Variants in LRRTM4 observed in about 807,000 individuals in gnomAD.
LRRTM4 encodes leucine-rich repeat transmembrane neuronal protein 4.
In LRRTM4, 25 loss-of-function variants were observed where a neutral mutation model predicts 47.6. The observed-to-expected ratio is 0.53, with a 90% CI of 0.38 to 0.73. The LOEUF is 0.73. Ranked by LOEUF, LRRTM4 falls within the 30% of genes least tolerant of loss-of-function variation. The probability of loss-of-function intolerance (pLI) is 0.00; values close to 1 mark genes in which losing one functional copy is unlikely to be tolerated. For missense variants in LRRTM4, 638 were observed against 713.4 expected (o/e 0.89, Z 1.20); for synonymous variants, 311 against 269.5 (o/e 1.15, Z -1.51).
At chr2:77,058,075 T>C (rs567521940) in intron 3 of LRRTM4, among the ~76,000 whole-genome samples, 1 of 152,278 alleles carries the variant, frequency 6.6e-6, no homozygotes, top group South Asian at 2.1e-4. Context: ...AATCCCACCT[T>C]ATGGGAACAT....
chr2:77,125,094 C>A (rs1671620256), intron 3 of LRRTM4, among the ~76,000 whole-genome samples: 1 of 152,086 alleles, frequency 6.6e-6, no homozygotes, highest in Non-Finnish European at 1.5e-5. Context: ...TGAAAAAGAT[C>A]CAAAATGATT....
rs190204791 is a variant in LRRTM4 at position 77,128,988 on chromosome 2, C to T, written c.1552-380072G>A. ...AAAGTGTACTAAAATTTATGTTTCT[C>T]ATATTTTTATTCATGTCATGTTTTA... On this transcript the variant is annotated intron_variant, in intron 3 of 3. Coordinates refer to ENST00000409884, the MANE Select transcript of LRRTM4 (RefSeq NM_001134745.3). 5.1e-3 allele frequency among the ~76,000 whole-genome samples: 775 copies of T among 152,234 alleles called. 7 individuals are homozygous for T. The highest frequency in any genetic ancestry group is 0.018 in the African/African-American group (737 of 41,554).
chr2:77,317,076 T>G (rs1429989718), intron 3 of LRRTM4, among the ~76,000 whole-genome samples: 1 of 152,184 alleles, frequency 6.6e-6, no homozygotes, highest in African/African-American at 2.4e-5. Context: ...ATATACTATA[T>G]AAACATTTAG....
intron 3 of LRRTM4, among the ~76,000 whole-genome samples, chr2:77,461,480 C>A (rs1265826031): frequency 6.6e-6 from 1 of 152,046 alleles, no homozygotes; most frequent in Non-Finnish European, 1.5e-5. Context: ...ACCATATGGA[C>A]TGAAATGTTA....
rs553353525 is a variant in LRRTM4, at chr2:76,955,334, G to A, written c.1552-206418C>T. Among the ~76,000 whole-genome samples the A allele has an allele frequency of 1.8e-4, 27 of 151,844 alleles. 1 individual carries two copies. Among genetic ancestry groups the A allele is most frequent in the Non-Finnish European group, 2.5e-4 (17 of 67,834 alleles). On this transcript the variant is annotated intron_variant, in intron 3 of 3. Coordinates refer to ENST00000409884, the MANE Select transcript of LRRTM4 (RefSeq NM_001134745.3). ...TTGTGACATCAATGTAAAAAAGTCC[G>A]TTGGGAGAAAAAAAGTGTAGTGTTT...
chr2:77,242,211 T>C (rs2103992546), intron 3 of LRRTM4, among the ~76,000 whole-genome samples: 1 of 152,282 alleles, frequency 6.6e-6, no homozygotes, highest in East Asian at 1.9e-4. Context: ...TTGCATTGCA[T>C]ATGTAGATTT....
Position 77,011,321 on chromosome 2 carries a change from C to G in LRRTM4, c.1552-262405G>C, listed in dbSNP as rs149420811. On this transcript the variant is annotated intron_variant, in intron 3 of 3. Coordinates refer to ENST00000409884, the MANE Select transcript of LRRTM4 (RefSeq NM_001134745.3). ...ATTTGTACTCATATCTTAATTCAGA[C>G]TAGTTGCATTTATGTACTCAATAGC... Among the ~76,000 whole-genome samples, 31 of 152,206 alleles carry G rather than the reference C, an allele frequency of 2.0e-4. No individual in the cohort carries two copies. The East Asian group carries it at 6.0e-3, about 29-fold the overall frequency.
chr2:76,797,317 T>C (rs1675390821), intron 3 of LRRTM4, among the ~76,000 whole-genome samples: 1 of 151,960 alleles, frequency 6.6e-6, no homozygotes, highest in African/African-American at 2.4e-5. Flanking sequence ...TATTCAACAT[T>C]CTTAAAGAAA....
chr2:77,229,896 A>G (rs1674918804), intron 3 of LRRTM4, among the ~76,000 whole-genome samples: 1 of 152,140 alleles, frequency 6.6e-6, no homozygotes, highest in Non-Finnish European at 1.5e-5. Flanking sequence ...TATAAAATAT[A>G]TCCCCCACTT....
intron 3 of LRRTM4, among the ~76,000 whole-genome samples, chr2:76,788,865 A>G (rs756981998): frequency 3.3e-5 from 5 of 152,138 alleles, no homozygotes; most frequent in Admixed American, 6.5e-5. Flanking sequence ...TTTTGTGTCT[A>G]TGGGGTTTAT....
intron 3 of LRRTM4, among the ~76,000 whole-genome samples, chr2:77,492,073 T>C (rs35195056): frequency 0.22 from 33,514 of 152,012 alleles, 3,961 homozygotes; most frequent in Middle Eastern, 0.31. Context: ...AATTGAATTA[T>C]ATGTAAATAT....
At chr2:77,170,748 T>C (rs906557284) in intron 3 of LRRTM4, among the ~76,000 whole-genome samples, 2 of 151,380 alleles carry the variant, frequency 1.3e-5, no homozygotes, top group Non-Finnish European at 2.9e-5. Context: ...AAATGTTTTA[T>C]CACTATATTT....
At chr2:77,339,490 G>T (rs1401071341) in intron 3 of LRRTM4, among the ~76,000 whole-genome samples, 1 of 151,964 alleles carries the variant, frequency 6.6e-6, no homozygotes, top group Non-Finnish European at 1.5e-5. Flanking sequence ...CATGTAGCAG[G>T]TGTTCAATAA....
chr2:76,831,094 C>T (rs1038999024), intron 3 of LRRTM4, among the ~76,000 whole-genome samples: 3 of 152,014 alleles, frequency 2.0e-5, no homozygotes, highest in Non-Finnish European at 2.9e-5. Context: ...GGTGATGCTG[C>T]TAGTAGAGAT....
rs1272569448 is a variant in LRRTM4 at position 76,796,381 on chromosome 2, A to AAGACAGCAGTAACCTCT, written c.1552-47482_1552-47466dup. ...TGGGGGCAGGGCACAGACAAACAAA[A>AAGACAGCAGTAACCTCT]AGACAGCAGTAACCTCTGCAGACTT... is the stretch of plus-strand genomic sequence containing the variant. On this transcript the variant is annotated intron_variant, in intron 3 of 3. Transcript: ENST00000409884. Among the ~76,000 whole-genome samples, 3 of 129,664 alleles carry AAGACAGCAGTAACCTCT rather than the reference A, an allele frequency of 2.3e-5. 1 individual carries two copies. The highest frequency in any genetic ancestry group is 4.9e-5 in the Non-Finnish European group (3 of 61,398). 85.1% of individuals were successfully genotyped at this position (129,664 alleles called of 152,430 possible).
chr2:77,110,145 A>C (rs1423337463), intron 3 of LRRTM4, among the ~76,000 whole-genome samples: 1 of 152,176 alleles, frequency 6.6e-6, no homozygotes, highest in African/African-American at 2.4e-5. Flanking sequence ...AAAAAGTGAA[A>C]TCTAAACCTA....
chr2:76,804,959 C>T (rs1485258829), intron 3 of LRRTM4, among the ~76,000 whole-genome samples: 3 of 151,798 alleles, frequency 2.0e-5, no homozygotes, highest in Non-Finnish European at 4.4e-5. Flanking sequence ...TTTGAGTTGC[C>T]TGTCATTTAT....
At chr2:77,221,156 G>C (rs1049867867) in intron 3 of LRRTM4, among the ~76,000 whole-genome samples, 7 of 152,146 alleles carry the variant, frequency 4.6e-5, no homozygotes, top group Non-Finnish European at 7.3e-5. Context: ...AGCAAATGCT[G>C]AGATATTTTG....
At chr2:76,990,702 G>A (rs538581833) in intron 3 of LRRTM4, among the ~76,000 whole-genome samples, 1 of 151,854 alleles carries the variant, frequency 6.6e-6, no homozygotes, top group East Asian at 1.9e-4. Context: ...ATAATAGTGA[G>A]GGACATCAAC....
Sources: gnomAD v4.1 joint callset for allele counts (sites outside exome capture counted in the v4.1 genomes callset) on GRCh38, gnomAD v4.1.1 for gene constraint, MANE v1.5 for transcripts, NCBI Gene and HGNC (gene_info 2026-07-23, HGNC 2026-07-21) for gene names.